ZC3HAV1: variants seen among roughly 807,000 people sequenced by gnomAD.
ZC3HAV1 encodes the protein zinc finger CCCH-type antiviral protein 1.
A neutral mutation model predicts 86.6 loss-of-function variants in ZC3HAV1; 41 were observed. The observed-to-expected ratio is 0.47, with a 90% CI of 0.37 to 0.61. The LOEUF (loss-of-function observed/expected upper bound fraction) is 0.61. Ranked by LOEUF, ZC3HAV1 falls within the 20% of genes least tolerant of loss-of-function variation. ZC3HAV1 has a pLI of 0.00. For synonymous variants in ZC3HAV1, 421 were observed against 432.1 expected (o/e 0.97, Z 0.32); for missense variants, 964 against 1,141.1 (o/e 0.84, Z 2.24).
At chr7:139,074,537 T>C (rs2130698439) in intron 6 of ZC3HAV1, among the ~76,000 whole-genome samples, 1 of 152,210 alleles carries the variant, frequency 6.6e-6, no homozygotes, top group South Asian at 2.1e-4. Flanking sequence ...GCAGGTTGAA[T>C]AAAGAAGCGG....
At chr7:139,099,664 A>C (rs1183818859) in intron 1 of ZC3HAV1, among the ~76,000 whole-genome samples, 1 of 152,176 alleles carries the variant, frequency 6.6e-6, no homozygotes, top group Non-Finnish European at 1.5e-5. Flanking sequence ...TGAACTGTAC[A>C]CTTTAAAATA....
chr7:139,071,061 A>G (rs1430643579), intron 7 of ZC3HAV1, among the ~76,000 whole-genome samples: 2 of 150,864 alleles, frequency 1.3e-5, no homozygotes, highest in Non-Finnish European at 3.0e-5. Context: ...AAATTTAAAT[A>G]CAGTATCTTT....
chr7:139,088,246 T>C (rs1166886702), intron 2 of ZC3HAV1, among the ~76,000 whole-genome samples: 1 of 152,084 alleles, frequency 6.6e-6, no homozygotes, highest in Admixed American at 6.6e-5. Context: ...CCTGAGTGGA[T>C]GAAACTGTTA....
At chr7:139,083,245 TGGG>T (rs199760401) in intron 3 of ZC3HAV1, among the ~76,000 whole-genome samples, 44,144 of 125,954 alleles carry the variant, frequency 0.35, 7,716 homozygotes, top group African/African-American at 0.52. Flanking sequence ...TTTTTAAACC[TGGG>T]GGGGGGGGCA....
intron 9 of ZC3HAV1, among the ~76,000 whole-genome samples, chr7:139,058,451 C>A (rs866152932): frequency 1.0e-3 from 142 of 141,644 alleles, no homozygotes; most frequent in African/African-American, 3.7e-3. Flanking sequence ...CCCCCCCCCC[C>A]CCCACAAAAA....
At chr7:139,073,835 A>G (rs1816851743) in intron 7 of ZC3HAV1, 21 bp downstream of exon 7, 2 of 1,586,568 alleles carry the variant, frequency 1.3e-6, no homozygotes, top group Admixed American at 1.8e-5. Context: ...AGAGCCCCCT[A>G]CAAGGAGGAA....
At chr7:139,058,808 C>A (rs935563485) in intron 9 of ZC3HAV1, among the ~76,000 whole-genome samples, 3 of 152,104 alleles carry the variant, frequency 2.0e-5, no homozygotes, top group Admixed American at 2.0e-4. Flanking sequence ...TGGCTGACTA[C>A]AGGAGCTATC....
rs1816952585 is a variant in ZC3HAV1 at position 139,076,379 on chromosome 7, G to A, written c.1604C>T (p.Pro535Leu). 6.2e-7 allele frequency: 1 copy of A among 1,614,068 alleles called. No homozygotes were observed. Among genetic ancestry groups the A allele is most frequent in the Non-Finnish European group, 8.5e-7 (1 of 1,179,998 alleles). Reference protein sequence around the residue: ...GSCSKVHFHLPYRWQMLIGKT... With the variant: ...GSCSKVHFHLLYRWQMLIGKT... ...ACCAATAAGCATCTGCCACCGGTAA[G>A]GCAGATGGAAGTGGACTTTGCTGCA... is the stretch of plus-strand genomic sequence containing the variant. Residue 535 changes from proline to leucine, a missense_variant, in exon 6 of 13, where the codon CCT becomes CTT. Physicochemically the swap from Pro to Leu is moderately conservative, Grantham distance 98. Coordinates refer to ENST00000242351, the MANE Select transcript of ZC3HAV1 (RefSeq NM_020119.4).
chr7:139,095,725 A>C (rs555879362), intron 1 of ZC3HAV1, among the ~76,000 whole-genome samples: 103 of 152,314 alleles, frequency 6.8e-4, no homozygotes, highest in Middle Eastern at 6.8e-3. Context: ...TTCTGTTATT[A>C]TGGACAGTCT....
chr7:139,105,533 A>G (rs1439389655), intron 1 of ZC3HAV1, among the ~76,000 whole-genome samples: 1 of 152,264 alleles, frequency 6.6e-6, no homozygotes, highest in African/African-American at 2.4e-5. Context: ...CCGATTCACC[A>G]AAACAATTAT....
intron 9 of ZC3HAV1, chr7:139,060,313 GA>G: frequency 1.0e-6 from 1 of 984,796 alleles, no homozygotes; most frequent in South Asian, 4.7e-5. Flanking sequence ...ACATCACCCA[GA>G]AAAAAAATAT....
At chr7:139,106,764 T>C (rs1817947278) in intron 1 of ZC3HAV1, among the ~76,000 whole-genome samples, 1 of 152,070 alleles carries the variant, frequency 6.6e-6, no homozygotes, top group South Asian at 2.1e-4. Context: ...ATGTGATCAT[T>C]GTACTGTATT....
chr7:139,108,774 CCTCCAGGCACTAG>C lies in ZC3HAV1; in HGVS notation c.308+237_308+249del, dbSNP rs1283827213. On this transcript the variant is annotated intron_variant, in intron 1 of 12. Coordinates refer to ENST00000242351, the MANE Select transcript of ZC3HAV1 (RefSeq NM_020119.4). The surrounding 1 kb of genome is among the most constrained non-coding windows in gnomAD (Gnocchi z 4.2). ...AAGGGGTGGAGGTTGAGCCTGGTCT[CCTCCAGGCACTAG>C]CATTTTAGCCATTCTCGAGAAAATG... Among the ~76,000 whole-genome samples, 1 of 152,242 alleles carries C rather than the reference CCTCCAGGCACTAG, an allele frequency of 6.6e-6. No individual in the cohort carries two copies. Among genetic ancestry groups the C allele is most frequent in the East Asian group, 1.9e-4 (1 of 5,196 alleles).
At chr7:139,059,008 TAA>T (rs71657780) in intron 9 of ZC3HAV1, among the ~76,000 whole-genome samples, 18 of 149,502 alleles carry the variant, frequency 1.2e-4, no homozygotes, top group East Asian at 5.9e-4. Context: ...ACCGGAACTT[TAA>T]AAAAAAAAAT....
chr7:139,062,333 G>A (rs1399114883), intron 8 of ZC3HAV1, among the ~76,000 whole-genome samples: 1 of 152,120 alleles, frequency 6.6e-6, no homozygotes, highest in Admixed American at 6.5e-5. Context: ...TTCTATCACT[G>A]CTCTCATCTC....
At chr7:139,089,161 T>C (rs1347609792) in intron 2 of ZC3HAV1, among the ~76,000 whole-genome samples, 1 of 148,076 alleles carries the variant, frequency 6.8e-6, no homozygotes, top group African/African-American at 2.5e-5. Context: ...CTCTGGGTTA[T>C]AGATTGCTGA....
At position 139,080,129 on chromosome 7, in the gene ZC3HAV1, G is replaced by C; in HGVS notation, c.812C>G (p.Ser271Cys). 1 of 1,614,174 alleles carries C rather than the reference G, an allele frequency of 6.2e-7. No individual in the cohort carries two copies. The highest frequency in any genetic ancestry group is 8.5e-7 in the Non-Finnish European group (1 of 1,180,030). ...GATCTGATCTGGACTAGGTGTGCAG[G>C]ACCTCTCAGCAGACGCTGAAGCAGA... ...LASASASAERSCTPSPDQISH... is the reference protein window; with the variant it reads ...LASASASAERCCTPSPDQISH... Residue 271 changes from serine to cysteine, a missense_variant, in exon 4 of 13, where the codon TCC (serine) becomes TGC (cysteine). Ser to Cys is a moderately radical substitution (Grantham distance 112). Transcript: ENST00000242351.
intron 3 of ZC3HAV1, 34 bp downstream of exon 3, chr7:139,083,744 AAG>A (rs1554443208): frequency 1.9e-6 from 3 of 1,545,592 alleles, no homozygotes; most frequent in Non-Finnish European, 1.7e-6. Flanking sequence ...AAAAAAAAAA[AAG>A]AGTTCACACA....
intron 12 of ZC3HAV1, among the ~76,000 whole-genome samples, chr7:139,052,298 T>C (rs527391853): frequency 9.4e-6 from 1 of 106,902 alleles, no homozygotes; most frequent in East Asian, 3.3e-4. Flanking sequence ...CCCCTCTGGT[T>C]TGTTTGTTTT....
Sources: gnomAD v4.1 joint callset for allele counts (sites outside exome capture counted in the v4.1 genomes callset) on GRCh38, gnomAD v4.1.1 for gene constraint, Gnocchi (gnomAD v3.1) non-coding constraint, MANE v1.5 for transcripts, NCBI Gene and HGNC (gene_info 2026-07-23, HGNC 2026-07-21) for gene names.